The following MUC17 variants were observed in gnomAD, a reference collection of about 807,000 sequenced individuals.
MUC17 encodes mucin 17, cell surface associated.
MUC17 carries 190 observed loss-of-function variants against 170.3 expected under a neutral mutation model. That is an observed-to-expected ratio of 1.12 (90% CI 0.99 to 1.26). The LOEUF is 1.26. Ranked by LOEUF, MUC17 falls within the 50% of genes most tolerant of loss-of-function variation. The probability of loss-of-function intolerance (pLI) is 0.00; values close to 1 mark genes in which losing one functional copy is unlikely to be tolerated. For synonymous variants in MUC17, 2,325 were observed against 2,002.5 expected (o/e 1.16, Z -4.30); for missense variants, 6,415 against 5,530.0 (o/e 1.16, Z -5.08).
intron 1 of MUC17, among the ~76,000 whole-genome samples, chr7:101,022,203 A>G (rs1014950899): frequency 4.7e-5 from 6 of 126,374 alleles, no homozygotes; most frequent in South Asian, 4.8e-4. Flanking sequence ...GTCTCAGTCT[A>G]TCTCCCAGGC....
Position 101,037,759 on chromosome 7 carries a change from G to T in MUC17, c.6343G>T (p.Ala2115Ser). Residue 2115 changes from alanine (A) to serine (S), a missense_variant, in exon 3 of 13, where the codon GCC (alanine) becomes TCC (serine). Coordinates refer to ENST00000306151, the MANE Select transcript of MUC17 (RefSeq NM_001040105.2). Reference protein sequence around the residue: ...TSIPLSTTPVASPEASTLSTT... With the variant: ...TSIPLSTTPVSSPEASTLSTT... ...TATACCTCTCAGCACCACGCCGGTG[G>T]CCAGTCCTGAGGCTAGCACCCTTTC... 6.2e-7 allele frequency: 1 copy of T among 1,613,674 alleles called. No homozygotes were observed. The highest frequency in any genetic ancestry group is 1.1e-5 in the South Asian group (1 of 91,024).
Position 101,041,766 on chromosome 7 carries a change from C to T in MUC17, c.10350C>T (p.Thr3450=). The T allele has an allele frequency of 1.9e-6, 3 of 1,613,752 alleles. No individual in the cohort carries two copies. Among genetic ancestry groups the T allele is most frequent in the Non-Finnish European group, 2.5e-6 (3 of 1,179,974 alleles). The change falls in exon 3 of 13, where the codon ACC becomes ACT. Residue 3450 remains threonine, a synonymous_variant. Coordinates refer to ENST00000306151, the MANE Select transcript of MUC17 (RefSeq NM_001040105.2). ...TCGCTGAAGGTACCAGCTTGCCAAC[C>T]TCAACTACTAGTGAAGGAAGCACTC... ...PTIAEGTSLP[T]STTSEGSTPL... is the part of the protein sequence containing the mutation.
At position 101,046,742 on chromosome 7, in the gene MUC17, C is replaced by T. The variant is rs60498273; in HGVS notation, c.12404-1242C>T. On this transcript the variant is annotated intron_variant, in intron 3 of 12. Coordinates refer to ENST00000306151, the MANE Select transcript of MUC17 (RefSeq NM_001040105.2). ...GTAGTGAGCTATGATTGCACCACTG[C>T]GCTCCAACCTGAACGAGATGGTGAG... 0.016 allele frequency among the ~76,000 whole-genome samples: 2,372 copies of T among 152,094 alleles called. 145 individuals are homozygous for T. The East Asian group carries it at 0.17, about 11-fold the overall frequency.
In MUC17 at chr7:101,032,335, A is replaced by G; in HGVS notation, c.919A>G (p.Ile307Val). 1 of 1,613,836 alleles carries G rather than the reference A, an allele frequency of 6.2e-7. No homozygotes were observed. Among genetic ancestry groups the G allele is most frequent in the Non-Finnish European group, 8.5e-7 (1 of 1,179,972 alleles). The change falls in exon 3 of 13, where the codon ATC becomes GTC. Residue 307 changes from isoleucine to valine, a missense_variant. Physicochemically the swap from Ile to Val is conservative, Grantham distance 29. Transcript: ENST00000306151. ...TCCTGCTGCCACCAACATTCCTGTG[A>G]TCACTTCTACTGAAGCCAGTTCATC... ...TTPAATNIPV[I>V]TSTEASSSPT... is the part of the protein sequence containing the mutation.
chr7:101,051,673 A>T lies in MUC17; in HGVS notation c.12935A>T (p.Asp4312Val). The change falls in exon 8 of 13, where the codon GAC becomes GTC. Residue 4312 changes from aspartate (D) to valine (V), a missense_variant. By Grantham distance (152) the Asp-to-Val change is radical. Transcript: ENST00000306151. Reference protein sequence around the residue: ...QVQNITVTQYDPEEDCRKMAK... With the variant: ...QVQNITVTQYVPEEDCRKMAK... ...CAAAACATTACGGTGACCCAGTACG[A>T]CCCTGAAGGTAGGTGATAACACAAG... is the stretch of plus-strand genomic sequence containing the variant. 6.2e-7 allele frequency: 1 copy of T among 1,611,666 alleles called. No homozygotes were observed. Among genetic ancestry groups the T allele is most frequent in the South Asian group, 1.1e-5 (1 of 90,764 alleles).
At chr7:101,048,321 C>T (rs559007026) in intron 4 of MUC17, 18 of 386,474 alleles carry the variant, frequency 4.7e-5, no homozygotes, top group South Asian at 2.1e-4. Flanking sequence ...AGGCCAGGCA[C>T]GGTGGCTCTC....
In MUC17 at chr7:101,033,584, C is replaced by A. The variant is rs377637063; in HGVS notation, c.2168C>A (p.Thr723Asn). 1.0e-4 allele frequency: 167 copies of A among 1,613,788 alleles called. No individual in the cohort carries two copies. The highest frequency in any genetic ancestry group is 1.3e-4 in the Non-Finnish European group (158 of 1,179,922). Residue 723 changes from threonine to asparagine, a missense_variant, in exon 3 of 13, where the codon ACT (threonine) becomes AAT (asparagine). By Grantham distance (65) the Thr-to-Asn change is moderately conservative (BLOSUM62 0). Coordinates refer to ENST00000306151, the MANE Select transcript of MUC17 (RefSeq NM_001040105.2). ...ACCAGCACACCTGTGACCACTTCAA[C>A]TGAAGCCAGTTCCTCTCCTACAACT... ...VDTSTPVTTS[T>N]EASSSPTTAD...
At chr7:101,053,223 C>A in intron 10 of MUC17, 76 bp downstream of exon 10, 1 of 1,587,524 alleles carries the variant, frequency 6.3e-7, no homozygotes, top group Non-Finnish European at 8.6e-7. Flanking sequence ...TGTCTCTAAT[C>A]ACTTCATAGT....
In MUC17 at chr7:101,042,254, G is replaced by C. The variant is rs1302430789; in HGVS notation, c.10838G>C (p.Ser3613Thr). Residue 3613 changes from serine to threonine, a missense_variant, in exon 3 of 13, where the codon AGC becomes ACC. Transcript: ENST00000306151. ...ACACCTGTGACCACTTCTACTCAGA[G>C]CAATTCTACTCCTACACCTCCTGAA... ...RSTPVTTSTQ[S>T]NSTPTPPEVI... The C allele has an allele frequency of 6.2e-7, 1 of 1,611,582 alleles. No homozygotes were observed. The highest frequency in any genetic ancestry group is 8.5e-7 in the Non-Finnish European group (1 of 1,179,394).
chr7:101,043,662 G>T lies in MUC17; in HGVS notation c.12246G>T (p.Thr4082=), dbSNP rs201108444. The change falls in exon 3 of 13, where the codon ACG becomes ACT. Residue 4082 remains threonine (T), a synonymous_variant. Transcript: ENST00000306151. ...CTCCAACAACCTCTGCCTCCTCCAC[G>T]ACTGTGAACCCTGAGGCTGTCACCA... ...STPPTTSASS[T]TVNPEAVTTM... 1.2e-6 allele frequency: 2 copies of T among 1,613,638 alleles called. No individual in the cohort carries two copies. Among genetic ancestry groups the T allele is most frequent in the Admixed American group, 1.7e-5 (1 of 59,964 alleles).
In MUC17 at chr7:101,042,889, T is replaced by C; in HGVS notation, c.11473T>C (p.Ser3825Pro). 2.5e-6 allele frequency: 4 copies of C among 1,614,030 alleles called. No individual in the cohort carries two copies. Among genetic ancestry groups the C allele is most frequent in the African/African-American group, 2.7e-5 (2 of 74,996 alleles). Residue 3825 changes from serine to proline, a missense_variant, in exon 3 of 13, where the codon TCT becomes CCT. By Grantham distance (74) the Ser-to-Pro change is moderately conservative. Coordinates refer to ENST00000306151, the MANE Select transcript of MUC17 (RefSeq NM_001040105.2). ...LLTTVLISPI[S>P]VMSPSEASTL... ...GACAACTGTCCTCATCAGCCCTATA[T>C]CTGTGATGAGTCCTTCTGAGGCCAG...
At chr7:101,022,452 C>CCA (rs1433474764) in intron 1 of MUC17, among the ~76,000 whole-genome samples, 2 of 152,198 alleles carry the variant, frequency 1.3e-5, no homozygotes, top group Admixed American at 1.3e-4. Context: ...CAGGCGTGAG[C>CCA]CACTGCACCC....
At chr7:101,025,410 C>G (rs113692088) in intron 1 of MUC17, among the ~76,000 whole-genome samples, 4,544 of 151,262 alleles carry the variant, frequency 0.03, 212 homozygotes, top group East Asian at 0.17. Context: ...CACCTGTAAT[C>G]CCAGCACTTT....
chr7:101,044,525 C>T (rs980538915), intron 3 of MUC17, among the ~76,000 whole-genome samples: 1 of 152,230 alleles, frequency 6.6e-6, no homozygotes, highest in Non-Finnish European at 1.5e-5. Context: ...TCAGCACTCT[C>T]TCACTTCTCT....
rs751969571 is a variant in MUC17, at chr7:101,041,989, A to C, written c.10573A>C (p.Ser3525Arg). The change falls in exon 3 of 13, where the codon AGC becomes CGC. Residue 3525 changes from serine (S) to arginine (R), a missense_variant. Physicochemically the swap from Ser to Arg is moderately radical, Grantham distance 110. Coordinates refer to ENST00000306151, the MANE Select transcript of MUC17 (RefSeq NM_001040105.2). ...GSTPLTNMPV[S>R]TTPVASSEAS... ...CACTCCATTAACAAATATGCCTGTC[A>C]GCACCACACCGGTGGCCAGTTCTGA... 15 of 1,613,760 alleles carry C rather than the reference A, an allele frequency of 9.3e-6. 1 individual carries two copies. The South Asian group carries it at 1.6e-4, about 18-fold the overall frequency.
chr7:101,031,830 T>G lies in MUC17; in HGVS notation c.414T>G (p.Ser138=), dbSNP rs1794285875. The change falls in exon 3 of 13, where the codon TCT becomes TCG. Residue 138 remains serine (S), a synonymous_variant. Coordinates refer to ENST00000306151, the MANE Select transcript of MUC17 (RefSeq NM_001040105.2). The part of the protein sequence containing the change: ...LFPSSTEDTS[S]PTTPEGTDVP... ...CCAGTTCTACTGAAGACACTTCATCTCCTACAACTCCTGAAGGCACCGACG... is the reference window on the plus strand; with the variant it reads ...CCAGTTCTACTGAAGACACTTCATCGCCTACAACTCCTGAAGGCACCGACG... 2 of 1,613,840 alleles carry G rather than the reference T, an allele frequency of 1.2e-6. No individual in the cohort carries two copies. Among genetic ancestry groups the G allele is most frequent in the East Asian group, 4.5e-5 (2 of 44,882 alleles).
chr7:101,053,616 T>TA, intron 11 of MUC17, 180 bp downstream of exon 11: 1 of 492,636 alleles, frequency 2.0e-6, no homozygotes, highest in Non-Finnish European at 3.6e-6. Flanking sequence ...TAAAAAAAAA[T>TA]AAAAAATAAA....
rs758911945 is a variant in MUC17, at chr7:101,036,642, A to C, written c.5226A>C (p.Ser1742=). 2 of 1,611,960 alleles carry C rather than the reference A, an allele frequency of 1.2e-6. No individual in the cohort carries two copies. Among genetic ancestry groups the C allele is most frequent in the Non-Finnish European group, 8.5e-7 (1 of 1,179,458 alleles). Reference sequence around the variant, plus strand: ...CTGAAGGTACCAGCATGCCAAACTCAACTCCTAGTGAAGGAACCACTCCAT... The same window carrying C: ...CTGAAGGTACCAGCATGCCAAACTCCACTCCTAGTGAAGGAACCACTCCAT... ...TTSEGTSMPN[S]TPSEGTTPLT... Residue 1742 remains serine, a synonymous_variant, in exon 3 of 13, where the codon TCA becomes TCC. Coordinates refer to ENST00000306151, the MANE Select transcript of MUC17 (RefSeq NM_001040105.2).
chr7:101,046,614 G>GA (rs1349614123), intron 3 of MUC17, among the ~76,000 whole-genome samples: 2 of 151,962 alleles, frequency 1.3e-5, no homozygotes, highest in African/African-American at 4.8e-5. Context: ...CATCTCTACA[G>GA]AAAAATTTTA....
Sources: gnomAD v4.1 joint callset for allele counts (sites outside exome capture counted in the v4.1 genomes callset) on GRCh38, gnomAD v4.1.1 for gene constraint, MANE v1.5 for transcripts, NCBI Gene and HGNC (gene_info 2026-07-23, HGNC 2026-07-21) for gene names.